MGAT4C: variants seen among roughly 807,000 people sequenced by gnomAD.
The protein encoded by MGAT4C is MGAT4 family member C, also known as alpha-1,3-mannosyl-glycoprotein 4-beta-N-acetylglucosaminyltransferase C.
In MGAT4C, 19 loss-of-function variants were observed where a neutral mutation model predicts 40.1. The observed-to-expected ratio is 0.47, with a 90% CI of 0.33 to 0.70. MGAT4C has a LOEUF of 0.70. MGAT4C is among the 30% of genes least tolerant of loss of function. The pLI is 0.02. For missense variants in MGAT4C, 491 were observed against 563.2 expected, an observed-to-expected ratio of 0.87 and a Z score of 1.30; for synonymous variants, 181 against 187.1, an observed-to-expected ratio of 0.97 and a Z score of 0.27.
rs566269577 is a variant in MGAT4C at position 85,972,064 on chromosome 12, C to T, written c.*7225G>A. 6.6e-6 allele frequency: 1 copy of T among 151,124 alleles called. No individual in the cohort carries two copies. The highest frequency in any genetic ancestry group is 1.9e-4 in the East Asian group (1 of 5,186). 9.4% of individuals were successfully genotyped at this position (151,124 alleles called of 1,614,324 possible). A position where few individuals can be genotyped will look rare whatever the true frequency, so the allele number is the denominator to read the frequency against. ...GAAAATATCCCCAACCATTACATTA[C>T]AGACAATTCATATATATGTCTTGAA... On this transcript the variant is annotated 3_prime_UTR_variant, in exon 5 of 5. Transcript: ENST00000611864.
chr12:86,121,334 T>C (rs926455818), intron 1 of MGAT4C, among the ~76,000 whole-genome samples: 2 of 152,064 alleles, frequency 1.3e-5, no homozygotes, highest in Non-Finnish European at 2.9e-5. Flanking sequence ...AGGATATTAT[T>C]CAGGAGAACT....
At chr12:86,695,458 A>G (rs1692524980) in intron 2 of MGAT4C, among the ~76,000 whole-genome samples, 1 of 152,224 alleles carries the variant, frequency 6.6e-6, no homozygotes, top group South Asian at 2.1e-4. Context: ...ATGGAGAGAT[A>G]TCTGCACTCC....
chr12:86,195,211 G>T (rs1015628627), intron 1 of MGAT4C, among the ~76,000 whole-genome samples: 2 of 152,180 alleles, frequency 1.3e-5, no homozygotes, highest in East Asian at 3.9e-4. Flanking sequence ...ATTTGGCACT[G>T]CTTGGTATAA....
intron 3 of MGAT4C, among the ~76,000 whole-genome samples, chr12:86,405,167 T>C (rs4842495): frequency 0.098 from 14,976 of 152,068 alleles, 992 homozygotes; most frequent in Middle Eastern, 0.25. Context: ...ATGGACGTTC[T>C]TGCCAGTACA....
intron 4 of MGAT4C, among the ~76,000 whole-genome samples, chr12:86,313,574 C>A (rs1321532894): frequency 2.0e-5 from 3 of 152,088 alleles, no homozygotes; most frequent in African/African-American, 7.2e-5. Flanking sequence ...AAAACACATT[C>A]CTACAAGTGA....
intron 1 of MGAT4C, among the ~76,000 whole-genome samples, chr12:86,778,653 T>C (rs553192225): frequency 1.3e-5 from 2 of 152,274 alleles, no homozygotes; most frequent in African/African-American, 2.4e-5. Flanking sequence ...TATACCAATA[T>C]TAAGAACAGT....
intron 2 of MGAT4C, among the ~76,000 whole-genome samples, chr12:86,624,061 G>C (rs1385350585): frequency 6.6e-6 from 1 of 152,082 alleles, no homozygotes; most frequent in Non-Finnish European, 1.5e-5. Context: ...AGCTCACTCA[G>C]GGTAAACACC....
chr12:86,754,994 T>C (rs1473350208), intron 1 of MGAT4C, among the ~76,000 whole-genome samples: 1 of 152,118 alleles, frequency 6.6e-6, no homozygotes, highest in Non-Finnish European at 1.5e-5. Flanking sequence ...GTTATATATA[T>C]ATATATCAAC....
intron 1 of MGAT4C, among the ~76,000 whole-genome samples, chr12:86,069,186 A>T (rs981316998): frequency 7.0e-6 from 1 of 142,044 alleles, no homozygotes; most frequent in African/African-American, 2.5e-5. Flanking sequence ...AGTTAAAAAT[A>T]ATATAACATT....
At chr12:86,231,611 C>T (rs1012312684) in intron 1 of MGAT4C, among the ~76,000 whole-genome samples, 1 of 152,020 alleles carries the variant, frequency 6.6e-6, no homozygotes, top group African/African-American at 2.4e-5. Flanking sequence ...TATTTGAATT[C>T]CTCTGAACAT....
At chr12:86,470,423 TGA>T (rs1301807947) in intron 2 of MGAT4C, among the ~76,000 whole-genome samples, 1 of 152,010 alleles carries the variant, frequency 6.6e-6, no homozygotes, top group Non-Finnish European at 1.5e-5. Context: ...ATGCTAAGGA[TGA>T]GAGAGAAATA....
intron 2 of MGAT4C, among the ~76,000 whole-genome samples, chr12:86,666,498 A>T (rs1013944506): frequency 3.3e-5 from 5 of 152,170 alleles, no homozygotes; most frequent in Admixed American, 1.3e-4. Context: ...TTGAAAAAAA[A>T]TGCAGAAAAA....
intron 1 of MGAT4C, among the ~76,000 whole-genome samples, chr12:86,136,677 G>A (rs1593039690): frequency 6.6e-6 from 1 of 151,874 alleles, no homozygotes; most frequent in East Asian, 1.9e-4. Flanking sequence ...TCATATCTTT[G>A]TTTTTTTGTT....
chr12:86,640,913 T>C (rs544260553), intron 2 of MGAT4C, among the ~76,000 whole-genome samples: 1 of 152,118 alleles, frequency 6.6e-6, no homozygotes, highest in South Asian at 2.1e-4. Context: ...TTGAGCGGTT[T>C]TGAGTGAGTT....
intron 1 of MGAT4C, among the ~76,000 whole-genome samples, chr12:86,231,082 T>C (rs890071031): frequency 1.3e-5 from 2 of 152,170 alleles, no homozygotes; most frequent in African/African-American, 4.8e-5. Context: ...CGAGTTTTAA[T>C]ATCATCGATG....
intron 2 of MGAT4C, among the ~76,000 whole-genome samples, chr12:86,627,076 A>C (rs10444513): frequency 0.94 from 143,035 of 152,248 alleles, 67,487 homozygotes; most frequent in Middle Eastern, 0.99. Flanking sequence ...TATCCCATGC[A>C]TGGCTCAGCT....
At chr12:86,057,204 GT>G (rs1271114548) in intron 1 of MGAT4C, among the ~76,000 whole-genome samples, 4 of 151,804 alleles carry the variant, frequency 2.6e-5, no homozygotes, top group African/African-American at 7.3e-5. Context: ...TAGAGACAGG[GT>G]CTAGCTCTGT....
intron 1 of MGAT4C, chr12:86,068,261 G>A (rs1894749808): frequency 6.6e-6 from 1 of 152,098 alleles, no homozygotes; most frequent in Non-Finnish European, 1.5e-5. Context: ...CTTTTTGGCA[G>A]ATGTTCTACT....
At chr12:85,998,465 A>G (rs904588734) in intron 2 of MGAT4C, among the ~76,000 whole-genome samples, 2 of 152,180 alleles carry the variant, frequency 1.3e-5, no homozygotes, top group African/African-American at 4.8e-5. Flanking sequence ...GTCAAGCTGC[A>G]AATTTTCTGA....
Sources: allele counts gnomAD v4.1 joint callset (sites outside exome capture counted in the v4.1 genomes callset), GRCh38; gene constraint gnomAD v4.1.1; transcripts MANE v1.5; gene names NCBI Gene and HGNC (gene_info 2026-07-23, HGNC 2026-07-21).